NAPA: variants seen among roughly 807,000 people sequenced by gnomAD.
NAPA encodes the protein alpha-soluble NSF attachment protein.
In NAPA, 18 loss-of-function variants were observed where a neutral mutation model predicts 48.0. That is an observed-to-expected ratio of 0.38 (90% CI 0.26 to 0.56). The LOEUF (loss-of-function observed/expected upper bound fraction) is 0.56. Ranked by LOEUF, NAPA falls within the 20% of genes least tolerant of loss-of-function variation. The probability of loss-of-function intolerance (pLI) is 0.77; values close to 1 mark genes in which losing one functional copy is unlikely to be tolerated. For synonymous variants in NAPA, 152 were observed against 149.9 expected (o/e 1.01, Z -0.10); for missense variants, 315 against 385.0 (o/e 0.82, Z 1.52).
intron 2 of NAPA, among the ~76,000 whole-genome samples, chr19:47,502,758 C>A (rs1046078823): frequency 3.9e-5 from 6 of 152,238 alleles, no homozygotes; most frequent in African/African-American, 1.2e-4. Flanking sequence ...CCAAACAGAT[C>A]TCCAGCCTCC....
intron 1 of NAPA, among the ~76,000 whole-genome samples, chr19:47,511,690 G>C (rs1968807246): frequency 6.6e-6 from 1 of 152,192 alleles, no homozygotes; most frequent in African/African-American, 2.4e-5. Flanking sequence ...ACTTACTGTG[G>C]GGCTGGGCAA....
intron 4 of NAPA, among the ~76,000 whole-genome samples, chr19:47,494,731 G>A (rs1002022311): frequency 9.4e-5 from 8 of 85,204 alleles, no homozygotes; most frequent in Non-Finnish European, 1.8e-4. Flanking sequence ...GAGAAACTCT[G>A]TCTCAAAAAA....
Position 47,509,553 on chromosome 19 carries a change from G to A in NAPA, c.98+5290C>T, listed in dbSNP as rs551785119. 5.3e-5 allele frequency among the ~76,000 whole-genome samples: 8 copies of A among 152,262 alleles called. No homozygotes were observed. In the East Asian group the frequency reaches 5.8e-4, roughly 11 times the overall value. On this transcript the variant is annotated intron_variant, in intron 1 of 10. Coordinates refer to ENST00000263354, the MANE Select transcript of NAPA (RefSeq NM_003827.4). ...GCAGAGAGCTGGCCACACCACGGGCGTTCAGTAAACGAGAGCATCCCTCTC... is the reference window on the plus strand; with the variant it reads ...GCAGAGAGCTGGCCACACCACGGGCATTCAGTAAACGAGAGCATCCCTCTC...
chr19:47,511,989 G>A (rs951339040), intron 1 of NAPA, among the ~76,000 whole-genome samples: 2 of 152,180 alleles, frequency 1.3e-5, no homozygotes, highest in Admixed American at 6.5e-5. Flanking sequence ...TCCAGGCCCA[G>A]CCCTTGCTCA....
intron 3 of NAPA, among the ~76,000 whole-genome samples, chr19:47,498,970 C>T (rs926834518): frequency 1.5e-4 from 23 of 152,196 alleles, no homozygotes; most frequent in Non-Finnish European, 2.8e-4. Context: ...CTCCCATAGC[C>T]AAATTCACGC....
intron 3 of NAPA, among the ~76,000 whole-genome samples, chr19:47,498,448 A>G (rs1968488074): frequency 6.6e-6 from 1 of 152,190 alleles, no homozygotes; most frequent in African/African-American, 2.4e-5. Flanking sequence ...ATCATCTCAC[A>G]GCAGTCTCTG....
At chr19:47,503,188 G>T (rs1359467815) in intron 2 of NAPA, among the ~76,000 whole-genome samples, 1 of 152,230 alleles carries the variant, frequency 6.6e-6, no homozygotes, top group Admixed American at 6.5e-5. Context: ...GTTTATCTAG[G>T]TCTAATAATC....
rs534135990 is a variant in NAPA, at chr19:47,503,765, CCCA to C, written c.99-266_99-264del. On this transcript the variant is annotated intron_variant, in intron 1 of 10. Coordinates refer to ENST00000263354, the MANE Select transcript of NAPA (RefSeq NM_003827.4). ...GGTAGTGGGGCGAAGAGTTCCTGAC[CCCA>C]CCACAACCCCAGGGTCTGACAGCCT... Among the ~76,000 whole-genome samples the C allele has an allele frequency of 3.2e-3, 482 of 152,248 alleles. 1 individual carries two copies. The highest frequency in any genetic ancestry group is 0.011 in the African/African-American group (449 of 41,534).
At chr19:47,509,564 G>A (rs370231571) in intron 1 of NAPA, among the ~76,000 whole-genome samples, 5 of 152,138 alleles carry the variant, frequency 3.3e-5, no homozygotes, top group Admixed American at 6.5e-5. Context: ...TTCAGTAAAC[G>A]AGAGCATCCC....
chr19:47,485,941 A>G (rs754296658), downstream of NAPA, among the ~76,000 whole-genome samples: 27 of 152,226 alleles, frequency 1.8e-4, no homozygotes, highest in African/African-American at 5.3e-4. Context: ...CTAGTAACCT[A>G]TAAGCCACAT....
At chr19:47,497,056 CACAT>C (rs776296442) in intron 3 of NAPA, 6 of 286,156 alleles carry the variant, frequency 2.1e-5, no homozygotes, top group Non-Finnish European at 4.3e-5. Flanking sequence ...AGTTTGAAGA[CACAT>C]ACATCCTGTA....
chr19:47,497,939 G>A (rs1318495184), intron 3 of NAPA, among the ~76,000 whole-genome samples: 1 of 152,194 alleles, frequency 6.6e-6, no homozygotes, highest in Non-Finnish European at 1.5e-5. Context: ...CCAACTATCA[G>A]GCAGGCCTGG....
At chr19:47,489,396 T>C in intron 10 of NAPA, 1 of 420,380 alleles carries the variant, frequency 2.4e-6, no homozygotes, top group East Asian at 3.9e-5. Flanking sequence ...CACACTCACC[T>C]GGGGGACTCA....
intron 1 of NAPA, among the ~76,000 whole-genome samples, chr19:47,504,577 C>T (rs1968654445): frequency 6.6e-6 from 1 of 151,858 alleles, no homozygotes; most frequent in Non-Finnish European, 1.5e-5. Context: ...CACTGGACAT[C>T]CCGTATTTGT....
chr19:47,504,900 T>A (rs888291169), intron 1 of NAPA, among the ~76,000 whole-genome samples: 1 of 152,192 alleles, frequency 6.6e-6, no homozygotes, highest in Non-Finnish European at 1.5e-5. Flanking sequence ...CAAAAACTTA[T>A]TGTCCAACAG....
At chr19:47,494,430 G>C (rs1968361669) in intron 4 of NAPA, among the ~76,000 whole-genome samples, 1 of 152,116 alleles carries the variant, frequency 6.6e-6, no homozygotes, top group Non-Finnish European at 1.5e-5. Flanking sequence ...AGACAGACAG[G>C]GCAAGCGGAG....
chr19:47,503,477 A>C lies in NAPA; in HGVS notation c.124T>G (p.Cys42Gly). 6.2e-7 allele frequency: 1 copy of C among 1,614,198 alleles called. No individual in the cohort carries two copies. The highest frequency in any genetic ancestry group is 2.2e-5 in the East Asian group (1 of 44,886). The part of the protein sequence containing the change: ...FGGSSKIEEA[C>G]EIYARAANMF... ...TTTGCTGCTCTGGCGTAGATTTCGC[A>C]TGCTTCCTCTATTTTGGATGAGCCT... Residue 42 changes from cysteine (C) to glycine (G), a missense_variant, in exon 2 of 11, where the codon TGC (cysteine) becomes GGC (glycine). Around this residue, in one of 3 missense-constraint regions of NAPA, gnomAD observed 173 missense variants for 213.5 expected, o/e 0.81. Transcript: ENST00000263354.
intron 2 of NAPA, 52 bp from the exon 3 acceptor site, chr19:47,500,801 T>G: frequency 7.1e-7 from 1 of 1,402,706 alleles, no homozygotes; most frequent in East Asian, 2.4e-5. Flanking sequence ...CCACACTTTA[T>G]GAAGCCACAG....
chr19:47,514,010 A>G (rs755997918), intron 1 of NAPA, among the ~76,000 whole-genome samples: 12 of 151,150 alleles, frequency 7.9e-5, no homozygotes, highest in Non-Finnish European at 1.6e-4. Flanking sequence ...CACCAGGCCC[A>G]GATAACTTTT....
Sources: allele counts gnomAD v4.1 joint callset (sites outside exome capture counted in the v4.1 genomes callset), GRCh38; gene constraint gnomAD v4.1.1; regional missense constraint gnomAD v4.1.1; transcripts MANE v1.5; gene names NCBI Gene and HGNC (gene_info 2026-07-23, HGNC 2026-07-21).